Variants in COL28A1 observed in about 807,000 individuals in gnomAD.
The protein encoded by COL28A1 is collagen type XXVIII alpha 1 chain.
COL28A1 carries 161 observed loss-of-function variants against 150.2 expected under a neutral mutation model. The observed-to-expected ratio is 1.07, with a 90% confidence interval of 0.94 to 1.22. The LOEUF is 1.22. COL28A1 is among the 50% of genes most tolerant of loss of function. COL28A1 has a pLI of 0.00. For missense variants in COL28A1, 1,617 were observed against 1,388.3 expected, an observed-to-expected ratio of 1.16 and a Z score of -2.62; for synonymous variants, 552 against 469.7, an observed-to-expected ratio of 1.18 and a Z score of -2.26.
intron 27 of COL28A1, among the ~76,000 whole-genome samples, chr7:7,409,588 G>A (rs1783671511): frequency 6.6e-6 from 1 of 152,048 alleles, no homozygotes; most frequent in South Asian, 2.1e-4. Flanking sequence ...CTAACTTTTG[G>A]TGATATTTTC....
chr7:7,373,467 G>A lies in COL28A1; in HGVS notation c.2439C>T (p.Asn813=). Residue 813 remains asparagine (N), a synonymous_variant, in exon 32 of 35, where the codon AAC becomes AAT. Transcript: ENST00000399429. This position sits in a 1 kb window ranked among gnomAD's most constrained non-coding sequence, Gnocchi z 4.1. ...IDSSESVGPE[N]FQIIKNFVKT... ...TCACAAAATTTTTAATGATCTGAAA[G>A]TTCTCTGGCCCCACGCTTTCTGAGC... 1 of 1,614,158 alleles carries A rather than the reference G, an allele frequency of 6.2e-7. No individual in the cohort carries two copies.
chr7:7,365,961 A>C (rs1780913345), intron 33 of COL28A1, among the ~76,000 whole-genome samples: 1 of 152,148 alleles, frequency 6.6e-6, no homozygotes, highest in African/African-American at 2.4e-5. Flanking sequence ...CTTTAGGAAC[A>C]CCTTGAGTTT....
At chr7:7,484,506 G>A (rs1203694087) in intron 13 of COL28A1, among the ~76,000 whole-genome samples, 1 of 151,640 alleles carries the variant, frequency 6.6e-6, no homozygotes, top group Non-Finnish European at 1.5e-5. Flanking sequence ...TAAATATATG[G>A]GTAAAACTAT....
chr7:7,531,515 G>C lies in COL28A1; in HGVS notation c.514C>G (p.Gln172Glu). 1 of 1,611,952 alleles carries C rather than the reference G, an allele frequency of 6.2e-7. No homozygotes were observed. Among genetic ancestry groups the C allele is most frequent in the Non-Finnish European group, 8.5e-7 (1 of 1,178,146 alleles). The change falls in exon 3 of 35, where the codon CAA becomes GAA. Residue 172 changes from glutamine (Q) to glutamate (E), a missense_variant. Gln to Glu is a conservative substitution (Grantham distance 29, BLOSUM62 2). Transcript: ENST00000399429. Reference protein sequence around the residue: ...GIDHPKNPDVQSISEDARISG... With the variant: ...GIDHPKNPDVESISEDARISG... ...ATTCTGGCATCTTCAGAAATACTTT[G>C]AACATCTGGATTCTTTGGATGGTCG...
intron 13 of COL28A1, among the ~76,000 whole-genome samples, chr7:7,488,841 T>C (rs1779763867): frequency 6.6e-6 from 1 of 152,228 alleles, no homozygotes; most frequent in Admixed American, 6.5e-5. Flanking sequence ...AGAACTCTTT[T>C]CTTCTTGTTC....
chr7:7,408,462 G>A (rs1255697895), intron 27 of COL28A1, among the ~76,000 whole-genome samples: 3 of 152,156 alleles, frequency 2.0e-5, no homozygotes, highest in African/African-American at 7.2e-5. Context: ...TTCTTAAGGT[G>A]TTTGTAAGAG....
chr7:7,339,736 G>A, the COL28A1 span, among the ~76,000 whole-genome samples: 431 of 152,192 alleles, frequency 2.8e-3, no homozygotes, highest in Non-Finnish European at 5.3e-3. Context: ...ACCATGCTGT[G>A]TTGTCCACCA....
At chr7:7,455,750 A>C (rs1787107711) in intron 16 of COL28A1, among the ~76,000 whole-genome samples, 2 of 152,224 alleles carry the variant, frequency 1.3e-5, no homozygotes, top group Non-Finnish European at 2.9e-5. Context: ...TATTGTTCCC[A>C]AGGGGAACTA....
chr7:7,455,438 T>A (rs966146566), intron 16 of COL28A1, among the ~76,000 whole-genome samples: 3 of 152,214 alleles, frequency 2.0e-5, no homozygotes, highest in Non-Finnish European at 4.4e-5. Flanking sequence ...TTGGAAATGG[T>A]TCTAATCACG....
chr7:7,421,329 G>A (rs1784381790), intron 25 of COL28A1, among the ~76,000 whole-genome samples: 1 of 152,202 alleles, frequency 6.6e-6, no homozygotes, highest in South Asian at 2.1e-4. Context: ...AAATGGTCGT[G>A]AGGGATTTTA....
chr7:7,542,241 A>T, the COL28A1 span, among the ~76,000 whole-genome samples: 1 of 152,146 alleles, frequency 6.6e-6, no homozygotes, highest in East Asian at 1.9e-4. Flanking sequence ...CCAGCCACTC[A>T]GGAGGCTGAG....
At chr7:7,419,991 TA>T in intron 25 of COL28A1, 38 bp from the exon 26 acceptor site, 1 of 1,411,102 alleles carries the variant, frequency 7.1e-7, no homozygotes, top group Non-Finnish European at 9.6e-7. Flanking sequence ...ACTAATTTTT[TA>T]AAGACTTTAT....
At chr7:7,404,978 G>A (rs1018140825) in intron 27 of COL28A1, among the ~76,000 whole-genome samples, 2 of 152,042 alleles carry the variant, frequency 1.3e-5, no homozygotes, top group Non-Finnish European at 2.9e-5. Flanking sequence ...CAACCTCCTG[G>A]GCTCAAACAA....
At chr7:7,521,644 A>G (rs1478012668) in intron 5 of COL28A1, among the ~76,000 whole-genome samples, 2 of 152,220 alleles carry the variant, frequency 1.3e-5, no homozygotes, top group East Asian at 3.8e-4. Context: ...TTATTTTATG[A>G]GGAGGAATAT....
intron 15 of COL28A1, among the ~76,000 whole-genome samples, chr7:7,459,734 A>C (rs1787456444): frequency 6.6e-6 from 1 of 152,196 alleles, no homozygotes. Flanking sequence ...AGAAAGAGAA[A>C]AGCAATCCCT....
intron 15 of COL28A1, among the ~76,000 whole-genome samples, chr7:7,463,375 C>T (rs919626100): frequency 7.9e-5 from 12 of 152,208 alleles, no homozygotes; most frequent in East Asian, 1.9e-4. Flanking sequence ...AGAGTATCTA[C>T]AAAAACCCTA....
the COL28A1 span, among the ~76,000 whole-genome samples, chr7:7,543,193 C>A: frequency 6.6e-6 from 1 of 152,096 alleles, no homozygotes; most frequent in African/African-American, 2.4e-5. Context: ...TTTAGCCAAT[C>A]TATGGTTGTA....
At chr7:7,389,908 T>C (rs1436327289) in intron 27 of COL28A1, among the ~76,000 whole-genome samples, 2 of 152,140 alleles carry the variant, frequency 1.3e-5, no homozygotes, top group African/African-American at 4.8e-5. Context: ...GAGACAATAG[T>C]GTTTTCTAAA....
At chr7:7,359,742 C>T (rs1780544054) in intron 34 of COL28A1, among the ~76,000 whole-genome samples, 1 of 152,150 alleles carries the variant, frequency 6.6e-6, no homozygotes, top group African/African-American at 2.4e-5. Flanking sequence ...TTTTCTCAAA[C>T]TTACCTCTAA....
Sources: gnomAD v4.1 joint callset for allele counts (sites outside exome capture counted in the v4.1 genomes callset) on GRCh38, gnomAD v4.1.1 for gene constraint, Gnocchi (gnomAD v3.1) non-coding constraint, MANE v1.5 for transcripts, NCBI Gene and HGNC (gene_info 2026-07-23, HGNC 2026-07-21) for gene names.